SS18: variants seen among roughly 807,000 people sequenced by gnomAD.
SS18 encodes protein SSXT.
Under a neutral mutation model 72.5 loss-of-function variants are expected in SS18, and 28 were observed. The observed-to-expected ratio is 0.39, with a 90% CI of 0.29 to 0.53. The LOEUF (loss-of-function observed/expected upper bound fraction) is 0.53, where lower values mean the gene tolerates loss of function less well. SS18 is among the 20% of genes least tolerant of loss of function. The probability of loss-of-function intolerance (pLI) is 0.76; values close to 1 mark genes in which losing one functional copy is unlikely to be tolerated. For synonymous variants in SS18, 172 were observed against 164.2 expected (o/e 1.05, Z -0.37); for missense variants, 518 against 535.3 (o/e 0.97, Z 0.32).
In SS18 at chr18:26,035,806, T is replaced by C. The variant is rs950024558; in HGVS notation, c.973+25A>G. On this transcript the variant is annotated intron_variant, in intron 8 of 10. Coordinates refer to ENST00000415083, the MANE Select transcript of SS18 (RefSeq NM_001007559.3). This position sits in a 1 kb window ranked among gnomAD's most constrained non-coding sequence, Gnocchi z 4.4. ...TCCTGTAGAAGGGGATATATATGTG[T>C]ATGTGTGTGAAGGTATATAGATACC... 3.4e-6 allele frequency: 5 copies of C among 1,478,160 alleles called. No homozygotes were observed. Among genetic ancestry groups the C allele is most frequent in the African/African-American group, 1.4e-5 (1 of 72,364 alleles). 91.6% of individuals were successfully genotyped at this position (1,478,160 alleles called of 1,614,324 possible).
Position 26,032,484 on chromosome 18 carries a change from C to A in SS18, c.1145G>T (p.Gly382Val). The A allele has an allele frequency of 6.2e-7, 1 of 1,613,806 alleles. No individual in the cohort carries two copies. Among genetic ancestry groups the A allele is most frequent in the Non-Finnish European group, 8.5e-7 (1 of 1,179,866 alleles). The change falls in exon 10 of 11, where the codon GGA becomes GTA. Residue 382 changes from glycine (G) to valine (V), a missense_variant. Coordinates refer to ENST00000415083, the MANE Select transcript of SS18 (RefSeq NM_001007559.3). ...PGPQYPNYPQ[G>V]QGQQYGGYRP... ...ATATCCTCCATACTGCTGACCTTGT[C>A]CCTGTGGGTAGTTAGGATACTGAGG... is the stretch of plus-strand genomic sequence containing the variant.
chr18:26,078,347 G>T (rs2054454643), intron 2 of SS18, 187 bp from the exon 3 acceptor site: 1 of 484,244 alleles, frequency 2.1e-6, no homozygotes, highest in South Asian at 3.3e-5. Flanking sequence ...TGAGCTCAGA[G>T]ATCTTGCCAT....
chr18:26,039,196 G>C, intron 6 of SS18, 93 bp downstream of exon 6: 8 of 270,486 alleles, frequency 3.0e-5, no homozygotes, highest in Non-Finnish European at 4.1e-5. Context: ...AAAAAAAAAA[G>C]AAAACGCCCT....
chr18:26,048,435 G>T (rs1475933322), intron 5 of SS18, among the ~76,000 whole-genome samples: 2 of 152,024 alleles, frequency 1.3e-5, no homozygotes, highest in African/African-American at 2.4e-5. Context: ...CTATATATAC[G>T]AATAGCGGAG....
chr18:26,035,161 G>A lies in SS18; in HGVS notation c.974-34C>T, dbSNP rs576831711. ...TAATTGGAGAAGAGGAAAAAAAACT[G>A]AGAAGTCTGCTTAAGTAACTTTTTT... On this transcript the variant is annotated intron_variant, in intron 8 of 10. Coordinates refer to ENST00000415083, the MANE Select transcript of SS18 (RefSeq NM_001007559.3). This position sits in a 1 kb window ranked among gnomAD's most constrained non-coding sequence, Gnocchi z 4.4. 8.1e-6 allele frequency: 13 copies of A among 1,606,976 alleles called. No individual in the cohort carries two copies. The East Asian group carries it at 1.8e-4, about 22-fold the overall frequency.
chr18:26,023,701 T>A (rs1281609140), intron 10 of SS18: 7 of 518,872 alleles, frequency 1.3e-5, no homozygotes, highest in South Asian at 1.2e-4. Context: ...ATACAAAAGC[T>A]GATTATTACC....
intron 3 of SS18, among the ~76,000 whole-genome samples, chr18:26,074,447 G>A (rs950616317): frequency 1.3e-5 from 2 of 151,810 alleles, no homozygotes; most frequent in Non-Finnish European, 2.9e-5. Context: ...TGCTACAACC[G>A]AAACAAGATA....
chr18:26,031,321 TGA>T (rs1479647717), intron 10 of SS18, among the ~76,000 whole-genome samples: 1 of 152,320 alleles, frequency 6.6e-6, no homozygotes, highest in East Asian at 1.9e-4. Flanking sequence ...GTTGTAGGCA[TGA>T]GAGAGGGCTG....
chr18:26,031,040 G>A (rs1339128180), intron 10 of SS18, among the ~76,000 whole-genome samples: 1 of 152,114 alleles, frequency 6.6e-6, no homozygotes, highest in East Asian at 1.9e-4. Context: ...AACACATGGA[G>A]AATAAATATT....
intron 2 of SS18, among the ~76,000 whole-genome samples, chr18:26,083,135 C>A (rs2054557305): frequency 6.6e-6 from 1 of 152,064 alleles, no homozygotes; most frequent in Admixed American, 6.5e-5. Flanking sequence ...ATTAAATCCA[C>A]CAAAAACGGC....
chr18:26,072,549 G>T (rs529908288), intron 3 of SS18, among the ~76,000 whole-genome samples: 4 of 152,070 alleles, frequency 2.6e-5, no homozygotes, highest in Admixed American at 6.6e-5. Context: ...GCGGCGCGCA[G>T]CACTTTGGGA....
intron 3 of SS18, among the ~76,000 whole-genome samples, chr18:26,071,851 G>A (rs2054315376): frequency 6.6e-6 from 1 of 151,764 alleles, no homozygotes; most frequent in Admixed American, 6.6e-5. Context: ...AAAGAATGAT[G>A]GTGAAATAAA....
intron 3 of SS18, among the ~76,000 whole-genome samples, chr18:26,061,263 A>G (rs550173548): frequency 6.6e-6 from 1 of 152,346 alleles, no homozygotes; most frequent in African/African-American, 2.4e-5. Context: ...CAGTGAGCCG[A>G]GATCGTGCCA....
At chr18:26,044,279 G>T (rs1453080185) in intron 5 of SS18, among the ~76,000 whole-genome samples, 1 of 151,776 alleles carries the variant, frequency 6.6e-6, no homozygotes, top group African/African-American at 2.4e-5. Context: ...ATATAGTGAA[G>T]TAAGACGTGT....
At position 26,018,277 on chromosome 18, in the gene SS18, C is replaced by A; in HGVS notation, c.*77G>T. The A allele has an allele frequency of 3.2e-6, 4 of 1,264,742 alleles. No individual in the cohort carries two copies. The highest frequency in any genetic ancestry group is 4.5e-6 in the Non-Finnish European group (4 of 884,742). 78.3% of individuals were successfully genotyped at this position (1,264,742 alleles called of 1,614,324 possible). A position where few individuals can be genotyped will look rare whatever the true frequency, so the allele number is the denominator to read the frequency against. ...ACTAGATGGAATGGAAGGATCTCTT[C>A]ACAGGGAGGTGTCCACAGTGCTGAG... On this transcript the variant is annotated 3_prime_UTR_variant, in exon 11 of 11. Coordinates refer to ENST00000415083, the MANE Select transcript of SS18 (RefSeq NM_001007559.3).
intron 3 of SS18, among the ~76,000 whole-genome samples, chr18:26,065,779 T>C (rs971256380): frequency 5.0e-5 from 3 of 59,830 alleles, no homozygotes; most frequent in African/African-American, 1.4e-4. Context: ...TTCCAGAATA[T>C]ATAAAGAATG....
intron 2 of SS18, chr18:26,080,458 T>C: frequency 1.2e-6 from 1 of 814,072 alleles, no homozygotes; most frequent in Non-Finnish European, 1.5e-6. Context: ...TGTTGATTAG[T>C]ACTTGACAAA....
intron 1 of SS18, among the ~76,000 whole-genome samples, chr18:26,089,091 T>C (rs1469148627): frequency 6.6e-6 from 1 of 152,230 alleles, no homozygotes; most frequent in Non-Finnish European, 1.5e-5. Flanking sequence ...TCTCCCATTG[T>C]AGAATAAGGC....
chr18:26,049,182 C>G (rs1409902964), intron 5 of SS18, among the ~76,000 whole-genome samples: 2 of 152,128 alleles, frequency 1.3e-5, no homozygotes, highest in Non-Finnish European at 2.9e-5. Flanking sequence ...ATTACTAATG[C>G]CTGATAATGA....
Sources: gnomAD v4.1 joint callset for allele counts (sites outside exome capture counted in the v4.1 genomes callset) on GRCh38, gnomAD v4.1.1 for gene constraint, Gnocchi (gnomAD v3.1) non-coding constraint, MANE v1.5 for transcripts, NCBI Gene and HGNC (gene_info 2026-07-23, HGNC 2026-07-21) for gene names.